Variants in UNC13C observed in about 807,000 individuals in gnomAD.
The protein encoded by UNC13C is unc-13 homolog C.
In UNC13C, 174 loss-of-function variants were observed where a neutral mutation model predicts 245.4. The observed-to-expected ratio is 0.71, with a 90% CI of 0.63 to 0.80. The LOEUF (loss-of-function observed/expected upper bound fraction) is 0.80, where lower values mean the gene tolerates loss of function less well. Ranked by LOEUF, UNC13C falls within the 30% of genes least tolerant of loss-of-function variation. The probability of loss-of-function intolerance (pLI) is 0.00; values close to 1 mark genes in which losing one functional copy is unlikely to be tolerated. For synonymous variants in UNC13C, 992 were observed against 895.1 expected (o/e 1.11, Z -1.93); for missense variants, 2,829 against 2,602.9 (o/e 1.09, Z -1.89).
intron 18 of UNC13C, among the ~76,000 whole-genome samples, chr15:54,402,446 A>C (rs1047462945): frequency 6.6e-6 from 1 of 152,032 alleles, no homozygotes; most frequent in Non-Finnish European, 1.5e-5. Flanking sequence ...TCAATTTTCT[A>C]CCTCCCTGAC....
chr15:54,549,562 G>C, intron 27 of UNC13C, 73 bp from the exon 28 acceptor site: 1 of 1,110,582 alleles, frequency 9.0e-7, no homozygotes, highest in Non-Finnish European at 1.3e-6. Context: ...ATTATCTGTT[G>C]ACTGCATTTC....
rs1419014363 is a variant in UNC13C, at chr15:54,039,611, G to A, written c.2983+23725G>A. Among the ~76,000 whole-genome samples the A allele has an allele frequency of 4.6e-5, 7 of 151,716 alleles. No individual in the cohort carries two copies. In the East Asian group the frequency reaches 1.4e-3, roughly 30 times the overall value. ...TGGACTCTTTTTTTTCCTATTTATG[G>A]TTGTATATTTTCCTACTTACACTGG... On this transcript the variant is annotated intron_variant, in intron 2 of 32. Coordinates refer to ENST00000260323, the MANE Select transcript of UNC13C (RefSeq NM_001080534.3).
At chr15:54,613,691 A>G in intron 30 of UNC13C, among the ~76,000 whole-genome samples, 1 of 151,972 alleles carries the variant, frequency 6.6e-6, no homozygotes, top group Non-Finnish European at 1.5e-5. Flanking sequence ...TAAAAATCAA[A>G]ATAGAGATAT....
Position 54,236,017 on chromosome 15 carries a change from G to A in UNC13C, c.3151-413G>A, listed in dbSNP as rs2035688716. Among the ~76,000 whole-genome samples, 5 of 105,500 alleles carry A rather than the reference G, an allele frequency of 4.7e-5. No individual in the cohort carries two copies. The South Asian group carries it at 8.4e-4, about 18-fold the overall frequency. The allele number at this position is 105,500 out of a possible 152,430, so 69.2% of individuals were successfully genotyped here. A position where few individuals can be genotyped will look rare whatever the true frequency, so the allele number is the denominator to read the frequency against. On this transcript the variant is annotated intron_variant, in intron 5 of 32. Transcript: ENST00000260323. ...AATTGACCATGGCCTACATTAGATT[G>A]TAAAAAAAAAAAAATCATCGTGAAA...
At chr15:54,583,715 G>A (rs1039179897) in intron 30 of UNC13C, among the ~76,000 whole-genome samples, 1 of 152,314 alleles carries the variant, frequency 6.6e-6, no homozygotes, top group Admixed American at 6.5e-5. Context: ...CTGAAGCCCA[G>A]TCTCACTGTA....
At chr15:54,460,594 T>C (rs1891785336) in intron 19 of UNC13C, among the ~76,000 whole-genome samples, 1 of 152,240 alleles carries the variant, frequency 6.6e-6, no homozygotes, top group Non-Finnish European at 1.5e-5. Flanking sequence ...TTACCCTAAG[T>C]TGGCCAGGAT....
At chr15:54,045,448 G>A (rs754005874) in intron 2 of UNC13C, among the ~76,000 whole-genome samples, 1 of 151,936 alleles carries the variant, frequency 6.6e-6, no homozygotes, top group Non-Finnish European at 1.5e-5. Context: ...GCTCTCTTCA[G>A]TATAAATTTT....
chr15:54,294,414 T>C (rs2037379065), intron 11 of UNC13C, among the ~76,000 whole-genome samples: 1 of 152,116 alleles, frequency 6.6e-6, no homozygotes, highest in Non-Finnish European at 1.5e-5. Flanking sequence ...GCTATTTGAC[T>C]TATTTCCTTC....
the UNC13C span, among the ~76,000 whole-genome samples, chr15:53,918,356 AT>A: frequency 6.0e-5 from 9 of 150,358 alleles, no homozygotes; most frequent in South Asian, 2.1e-4. Context: ...TCCTACTCAG[AT>A]TTTTTTTTTC....
intron 29 of UNC13C, among the ~76,000 whole-genome samples, chr15:54,556,485 T>A (rs1260338700): frequency 2.0e-5 from 3 of 151,962 alleles, no homozygotes; most frequent in Non-Finnish European, 4.4e-5. Context: ...AACTGCCACA[T>A]TAAAGTTGGG....
chr15:54,201,513 C>T (rs961311234), intron 4 of UNC13C, among the ~76,000 whole-genome samples: 2 of 151,694 alleles, frequency 1.3e-5, no homozygotes, highest in African/African-American at 4.8e-5. Flanking sequence ...GTTTAACATA[C>T]TTAAGTCAAT....
At chr15:54,063,814 AGGTG>A (rs1478451581) in intron 2 of UNC13C, among the ~76,000 whole-genome samples, 2 of 152,188 alleles carry the variant, frequency 1.3e-5, no homozygotes. Flanking sequence ...AAAAGCTTCA[AGGTG>A]GGAGACACAG....
chr15:54,010,738 C>A (rs1383070067), intron 1 of UNC13C, among the ~76,000 whole-genome samples: 1 of 151,930 alleles, frequency 6.6e-6, no homozygotes, highest in East Asian at 1.9e-4. Context: ...ACGTCGGATA[C>A]AATTGCCATA....
At chr15:54,508,927 C>T (rs1395699594) in intron 23 of UNC13C, among the ~76,000 whole-genome samples, 4 of 152,124 alleles carry the variant, frequency 2.6e-5, no homozygotes, top group Non-Finnish European at 5.9e-5. Flanking sequence ...AGGCCGGGCG[C>T]GGTGGCTCAC....
In UNC13C at chr15:54,627,357, T is replaced by C. The variant is rs1901249119; in HGVS notation, c.*244T>C. The C allele has an allele frequency of 9.0e-6, 3 of 335,132 alleles. No individual in the cohort carries two copies. Among genetic ancestry groups the C allele is most frequent in the Admixed American group, 4.4e-5 (1 of 22,922 alleles). The allele number at this position is 335,132 out of a possible 1,614,324, so 20.8% of individuals were successfully genotyped here. ...TATCAAGAACACCTTTTAACATGTT[T>C]ATTTTGTTTCTTTACCCATTTCACA... On this transcript the variant is annotated 3_prime_UTR_variant, in exon 33 of 33. Coordinates refer to ENST00000260323, the MANE Select transcript of UNC13C (RefSeq NM_001080534.3).
At chr15:54,088,947 T>A (rs1263985131) in intron 2 of UNC13C, among the ~76,000 whole-genome samples, 2 of 152,162 alleles carry the variant, frequency 1.3e-5, no homozygotes, top group East Asian at 3.8e-4. Context: ...TGGGGTCAGA[T>A]AACTTGGCGG....
chr15:54,594,311 G>A (rs552124088), intron 30 of UNC13C, among the ~76,000 whole-genome samples: 4 of 152,230 alleles, frequency 2.6e-5, no homozygotes, highest in African/African-American at 9.6e-5. Context: ...CCTCCTGCCA[G>A]GAGGTGGCGC....
chr15:54,236,646 A>T (rs185945981), intron 6 of UNC13C, among the ~76,000 whole-genome samples: 1 of 152,348 alleles, frequency 6.6e-6, no homozygotes, highest in African/African-American at 2.4e-5. Flanking sequence ...CCAAAATAGG[A>T]TACAAGTATA....
intron 2 of UNC13C, among the ~76,000 whole-genome samples, chr15:54,088,770 C>T (rs916290372): frequency 1.3e-5 from 2 of 152,174 alleles, no homozygotes; most frequent in African/African-American, 4.8e-5. Context: ...TTTGATGCAG[C>T]GTTCACTTTG....
Sources: gnomAD v4.1 joint callset for allele counts (sites outside exome capture counted in the v4.1 genomes callset) on GRCh38, gnomAD v4.1.1 for gene constraint, MANE v1.5 for transcripts, NCBI Gene and HGNC (gene_info 2026-07-23, HGNC 2026-07-21) for gene names.